FOXN3: variants seen among roughly 807,000 people sequenced by gnomAD.
The protein encoded by FOXN3 is forkhead box N3, also known as forkhead box protein N3.
In FOXN3, 7 loss-of-function variants were observed where a neutral mutation model predicts 38.4. The ratio of observed to expected loss-of-function variants is 0.18; its 90% confidence interval spans 0.10 to 0.34. The LOEUF (loss-of-function observed/expected upper bound fraction) is 0.34. Among genes scored for constraint, FOXN3 ranks in the 10% least tolerant of loss-of-function variants. The probability of loss-of-function intolerance (pLI) is 1.00; values close to 1 mark genes in which losing one functional copy is unlikely to be tolerated. For missense variants in FOXN3, 456 were observed against 613.4 expected (o/e 0.74, Z 2.71); for synonymous variants, 230 against 242.2 (o/e 0.95, Z 0.47).
At chr14:89,418,766 T>C (rs903134922), upstream of FOXN3, among the ~76,000 whole-genome samples, 5 of 152,186 alleles carry the variant, frequency 3.3e-5, no homozygotes, top group Admixed American at 6.5e-5. Flanking sequence ...CCTGCTTTCC[T>C]GTAGCTCCGG....
intron 1 of FOXN3, among the ~76,000 whole-genome samples, chr14:89,472,549 T>C (rs777090138): frequency 2.3e-4 from 35 of 151,804 alleles, no homozygotes; most frequent in Non-Finnish European, 4.6e-4. Flanking sequence ...TGAAACCCCA[T>C]CTCTACTAAA....
At chr14:89,614,462 G>A (rs1208823671) in intron 1 of FOXN3, among the ~76,000 whole-genome samples, 1 of 152,102 alleles carries the variant, frequency 6.6e-6, no homozygotes, top group Non-Finnish European at 1.5e-5. Flanking sequence ...ATGTACGTAG[G>A]CTTCCTAGGG....
At chr14:89,594,393 A>C (rs771090744) in intron 1 of FOXN3, among the ~76,000 whole-genome samples, 2 of 152,192 alleles carry the variant, frequency 1.3e-5, no homozygotes, top group African/African-American at 2.4e-5. Flanking sequence ...GTAATTTTCA[A>C]CTGTAGGCAT....
At chr14:89,452,150 A>C (rs1407681166) in intron 1 of FOXN3, among the ~76,000 whole-genome samples, 1 of 152,176 alleles carries the variant, frequency 6.6e-6, no homozygotes. Flanking sequence ...GGGGGAAAGC[A>C]GGGACCCTGT....
At chr14:89,257,589 T>A (rs1379351646) in intron 4 of FOXN3, among the ~76,000 whole-genome samples, 1 of 151,688 alleles carries the variant, frequency 6.6e-6, no homozygotes, top group Admixed American at 6.6e-5. Context: ...CCATAAAGAG[T>A]CTGGATTATG....
At chr14:89,389,466 G>A (rs1202395157) in intron 2 of FOXN3, among the ~76,000 whole-genome samples, 2 of 152,064 alleles carry the variant, frequency 1.3e-5, no homozygotes, top group South Asian at 2.1e-4. Context: ...AAAGATTCAC[G>A]CCAATTGATT....
intron 1 of FOXN3, among the ~76,000 whole-genome samples, chr14:89,577,741 C>A (rs1351095729): frequency 6.6e-6 from 1 of 152,172 alleles, no homozygotes; most frequent in Non-Finnish European, 1.5e-5. Flanking sequence ...TCTCCTTTTT[C>A]TTCAGGCTAT....
intron 1 of FOXN3, among the ~76,000 whole-genome samples, chr14:89,429,278 T>C (rs1892109763): frequency 6.6e-6 from 1 of 152,224 alleles, no homozygotes; most frequent in Non-Finnish European, 1.5e-5. Context: ...ATCACACTGA[T>C]ACTCAGAATT....
chr14:89,514,306 G>A (rs992261713), intron 1 of FOXN3, among the ~76,000 whole-genome samples: 3 of 152,174 alleles, frequency 2.0e-5, no homozygotes, highest in Non-Finnish European at 4.4e-5. Flanking sequence ...AAGGGAACTG[G>A]CTGTTGTAAA....
intron 4 of FOXN3, among the ~76,000 whole-genome samples, chr14:89,229,495 T>C (rs1884741752): frequency 6.6e-6 from 1 of 152,166 alleles, no homozygotes; most frequent in Admixed American, 6.5e-5. Context: ...AAAAGACAGT[T>C]GGGATCCATC....
chr14:89,337,711 C>A (rs992221603), intron 3 of FOXN3, among the ~76,000 whole-genome samples: 4 of 151,586 alleles, frequency 2.6e-5, no homozygotes, highest in Admixed American at 6.6e-5. Context: ...CTCACTGCAA[C>A]CTCTGCCTCC....
At position 89,323,301 on chromosome 14, in the gene FOXN3, A is replaced by AGAAAG. The variant is rs113302027; in HGVS notation, c.680+27370_680+27371insCTTTC. On this transcript the variant is annotated intron_variant, in intron 3 of 5. Transcript: ENST00000557258. The stretch of plus-strand genomic sequence containing the variant: ...AGACTCCATCTCAAAAAAAAAAAAA[A>AGAAAG]AAAGAAAGAAAGAAAGAAAGAAAGA... Among the ~76,000 whole-genome samples, 300 of 142,936 alleles carry AGAAAG rather than the reference A, an allele frequency of 2.1e-3. 1 individual carries two copies. Among genetic ancestry groups the AGAAAG allele is most frequent in the Middle Eastern group, 0.011 (3 of 270 alleles). 93.8% of individuals were successfully genotyped at this position (142,936 alleles called of 152,430 possible).
chr14:89,571,458 G>A (rs1042659127), intron 1 of FOXN3, among the ~76,000 whole-genome samples: 14 of 150,898 alleles, frequency 9.3e-5, no homozygotes, highest in East Asian at 5.9e-4. Context: ...GCAGCGAGCC[G>A]AGATTGTGCC....
chr14:89,458,489 C>T (rs11623367), intron 1 of FOXN3, among the ~76,000 whole-genome samples: 15,025 of 152,202 alleles, frequency 0.099, 1,064 homozygotes, highest in African/African-American at 0.19. Context: ...CAACGGTCTT[C>T]ATGATGCCCT....
chr14:89,504,312 A>G (rs978605044), intron 1 of FOXN3, among the ~76,000 whole-genome samples: 3 of 152,246 alleles, frequency 2.0e-5, no homozygotes, highest in Non-Finnish European at 4.4e-5. Flanking sequence ...GGACGGCTGC[A>G]TTGCCATGGG....
chr14:89,415,222 G>A lies in FOXN3; in HGVS notation c.-15+1649C>T, dbSNP rs570079676. Reference sequence around the variant, plus strand: ...TAAATGAAAGTTTTATGTCTCCTGAGCTTCCAAACAGGAAAATTATATCAT... The same window carrying A: ...TAAATGAAAGTTTTATGTCTCCTGAACTTCCAAACAGGAAAATTATATCAT... On this transcript the variant is annotated intron_variant, in intron 1 of 5. Coordinates refer to ENST00000557258, the MANE Select transcript of FOXN3 (RefSeq NM_005197.4). Among the ~76,000 whole-genome samples the A allele has an allele frequency of 7.2e-5, 11 of 152,274 alleles. No individual in the cohort carries two copies. The South Asian group carries it at 1.0e-3, about 14-fold the overall frequency.
At chr14:89,471,974 G>A (rs1446827491) in intron 1 of FOXN3, among the ~76,000 whole-genome samples, 2 of 152,190 alleles carry the variant, frequency 1.3e-5, no homozygotes, top group Non-Finnish European at 2.9e-5. Context: ...AGAAACTTCC[G>A]GCCAGGTGTG....
At chr14:89,450,579 C>T (rs958136138) in intron 1 of FOXN3, among the ~76,000 whole-genome samples, 1 of 140,828 alleles carries the variant, frequency 7.1e-6, no homozygotes, top group African/African-American at 2.7e-5. Flanking sequence ...ACATTCTCGA[C>T]TTCATCTTTC....
intron 4 of FOXN3, among the ~76,000 whole-genome samples, chr14:89,240,067 A>T (rs1185582070): frequency 6.6e-6 from 1 of 152,202 alleles, no homozygotes; most frequent in Non-Finnish European, 1.5e-5. Flanking sequence ...AGTATCAAAA[A>T]GATAAGTACA....
Sources: allele counts gnomAD v4.1 joint callset (sites outside exome capture counted in the v4.1 genomes callset), GRCh38; gene constraint gnomAD v4.1.1; transcripts MANE v1.5; gene names NCBI Gene and HGNC (gene_info 2026-07-23, HGNC 2026-07-21).